The following NLGN1 variants were observed in gnomAD, a reference collection of about 807,000 sequenced individuals.
The protein encoded by NLGN1 is neuroligin-1.
In NLGN1, 12 loss-of-function variants were observed where a neutral mutation model predicts 65.5. The observed-to-expected ratio is 0.18, with a 90% CI of 0.12 to 0.30. NLGN1 has a LOEUF of 0.30. NLGN1 is among the 10% of genes least tolerant of loss of function. The pLI is 1.00. For synonymous variants in NLGN1, 350 were observed against 359.5 expected (o/e 0.97, Z 0.30); for missense variants, 750 against 1,007.1 (o/e 0.74, Z 3.46).
At chr3:173,782,341 G>A (rs915838894) in intron 3 of NLGN1, among the ~76,000 whole-genome samples, 23 of 152,086 alleles carry the variant, frequency 1.5e-4, no homozygotes, top group Admixed American at 7.2e-4. Context: ...CATTAAAGGC[G>A]CGGGTAATGT....
chr3:173,547,102 G>A (rs574728951), intron 2 of NLGN1, among the ~76,000 whole-genome samples: 49 of 152,034 alleles, frequency 3.2e-4, no homozygotes, highest in Non-Finnish European at 6.0e-4. Context: ...AATTAAACTT[G>A]GGACTCGAAA....
intron 2 of NLGN1, among the ~76,000 whole-genome samples, chr3:173,547,104 G>A (rs1015806776): frequency 6.6e-6 from 1 of 152,072 alleles, no homozygotes; most frequent in African/African-American, 2.4e-5. Context: ...TTAAACTTGG[G>A]ACTCGAAAGA....
In NLGN1 at chr3:173,502,767, G is replaced by A. The variant is rs143752141; in HGVS notation, c.-321+67689G>A. Among the ~76,000 whole-genome samples the A allele has an allele frequency of 3.7e-3, 559 of 152,088 alleles. 2 individuals carry two copies. The highest frequency in any genetic ancestry group is 6.2e-3 in the Non-Finnish European group (422 of 67,970). On this transcript the variant is annotated intron_variant, in intron 2 of 6. Coordinates refer to ENST00000457714, the Ensembl canonical transcript of NLGN1. ...CACAAATCACTGAATTTTAATCGAC[G>A]TCCCCTCCCCTGGCAGTACTTTTAA...
intron 3 of NLGN1, among the ~76,000 whole-genome samples, chr3:173,649,388 ATG>A (rs1202242756): frequency 1.3e-5 from 2 of 152,246 alleles, no homozygotes; most frequent in South Asian, 4.1e-4. Context: ...TTACATGTCT[ATG>A]TAACTATTAC....
chr3:173,539,640 A>ATGTACATATG lies in NLGN1; in HGVS notation c.-320-64638_-320-64637insGTACATATGT, dbSNP rs757003935. On this transcript the variant is annotated intron_variant, in intron 2 of 6. Coordinates refer to ENST00000457714, the Ensembl canonical transcript of NLGN1. ...ATTATATATTTATATATACACATAT[A>ATGTACATATG]TACATATATAACATATGTGTATATA... 3.2e-4 allele frequency among the ~76,000 whole-genome samples: 36 copies of ATGTACATATG among 111,770 alleles called. No homozygotes were observed. In the East Asian group the frequency reaches 7.4e-3, roughly 23 times the overall value. 73.3% of individuals were successfully genotyped at this position (111,770 alleles called of 152,430 possible).
At chr3:173,847,696 A>G (rs1409706625) in intron 4 of NLGN1, among the ~76,000 whole-genome samples, 1 of 152,088 alleles carries the variant, frequency 6.6e-6, no homozygotes, top group East Asian at 1.9e-4. Flanking sequence ...ACATGGCAAA[A>G]CCCTGTCTCT....
chr3:174,256,553 TTG>T (rs1212023229), intron 4 of NLGN1, among the ~76,000 whole-genome samples: 1 of 151,774 alleles, frequency 6.6e-6, no homozygotes, highest in Non-Finnish European at 1.5e-5. Flanking sequence ...GCATGTGTGT[TTG>T]TGTGTGTGTG....
chr3:174,199,939 A>G (rs1309592341), intron 4 of NLGN1, among the ~76,000 whole-genome samples: 2 of 152,362 alleles, frequency 1.3e-5, no homozygotes, highest in Admixed American at 1.3e-4. Flanking sequence ...CCACAGTTAT[A>G]GCCAAGTTTG....
chr3:174,270,707 G>T (rs1449092682), intron 4 of NLGN1, among the ~76,000 whole-genome samples: 1 of 151,688 alleles, frequency 6.6e-6, no homozygotes, highest in East Asian at 1.9e-4. Flanking sequence ...GGAGGACCTG[G>T]AATAAGTCCG....
intron 3 of NLGN1, among the ~76,000 whole-genome samples, chr3:173,753,592 C>G (rs998063197): frequency 1.3e-5 from 2 of 152,104 alleles, no homozygotes; most frequent in Admixed American, 6.6e-5. Flanking sequence ...AAACTTTTTT[C>G]TCTTTCTATT....
At chr3:174,190,742 A>G (rs565103672) in intron 4 of NLGN1, among the ~76,000 whole-genome samples, 2 of 152,238 alleles carry the variant, frequency 1.3e-5, no homozygotes, top group African/African-American at 4.8e-5. Flanking sequence ...TATTAGCTGT[A>G]TATAACTTAA....
At chr3:173,866,175 A>T (rs1730122708) in intron 4 of NLGN1, among the ~76,000 whole-genome samples, 1 of 152,208 alleles carries the variant, frequency 6.6e-6, no homozygotes, top group African/African-American at 2.4e-5. Context: ...GCAAGCAGGT[A>T]ATTAAGGTAG....
intron 3 of NLGN1, among the ~76,000 whole-genome samples, chr3:173,631,074 G>A (rs1358019259): frequency 6.6e-6 from 1 of 152,090 alleles, no homozygotes; most frequent in Non-Finnish European, 1.5e-5. Context: ...CTTCTGATTG[G>A]TAACTGTGTG....
rs369776108 is a variant in NLGN1, at chr3:173,932,679, GTTCT to G, written c.646+124854_646+124857del. 3.9e-4 allele frequency among the ~76,000 whole-genome samples: 59 copies of G among 152,248 alleles called. 1 individual carries two copies. Among genetic ancestry groups the G allele is most frequent in the African/African-American group, 1.3e-3 (56 of 41,554 alleles). On this transcript the variant is annotated intron_variant, in intron 4 of 6. Transcript: ENST00000457714. The stretch of plus-strand genomic sequence containing the variant: ...AGATTCTTTGTGGAATGACTAAAAT[GTTCT>G]TTCTTTGCTAATCTTGATGAGAGTG...
rs149148600 is a variant in NLGN1, at chr3:173,423,587, G to T, written c.-389-11423G>T. Reference sequence around the variant, plus strand: ...CCCTTGAAAGTCCAAAATCCAGCAGGGTAACCATTAAATCTTGAAGCTCCA... The same window carrying T: ...CCCTTGAAAGTCCAAAATCCAGCAGTGTAACCATTAAATCTTGAAGCTCCA... On this transcript the variant is annotated intron_variant, in intron 1 of 6. Transcript: ENST00000457714. Among the ~76,000 whole-genome samples, 861 of 152,218 alleles carry T rather than the reference G, an allele frequency of 5.7e-3. 12 individuals carry two copies. The highest frequency in any genetic ancestry group is 0.02 in the African/African-American group (819 of 41,552).
At chr3:173,678,367 G>C (rs1360016046) in intron 3 of NLGN1, among the ~76,000 whole-genome samples, 1 of 152,040 alleles carries the variant, frequency 6.6e-6, no homozygotes, top group African/African-American at 2.4e-5. Flanking sequence ...CCGCAGTAGA[G>C]GGAAGAGAAA....
At chr3:173,469,781 C>T (rs564181813) in intron 2 of NLGN1, among the ~76,000 whole-genome samples, 2 of 151,920 alleles carry the variant, frequency 1.3e-5, no homozygotes, top group Non-Finnish European at 2.9e-5. Context: ...CCCTGGTAGC[C>T]GCCAATCTAC....
In NLGN1 at chr3:174,227,370, A is replaced by G. The variant is rs1245922177; in HGVS notation, c.647-47945A>G. 5.9e-5 allele frequency among the ~76,000 whole-genome samples: 9 copies of G among 152,154 alleles called. No individual in the cohort carries two copies. The South Asian group carries it at 6.2e-4, about 10-fold the overall frequency. ...AAAATTTTACTGCCTTTTCCATTTC[A>G]CACATGAGGGATCTGAGACTCAGAA... On this transcript the variant is annotated intron_variant, in intron 4 of 6. Coordinates refer to ENST00000457714, the Ensembl canonical transcript of NLGN1.
chr3:173,941,013 G>GT (rs1745991983), intron 4 of NLGN1, among the ~76,000 whole-genome samples: 1 of 152,102 alleles, frequency 6.6e-6, no homozygotes, highest in African/African-American at 2.4e-5. Flanking sequence ...GTTACGCTTG[G>GT]TACAGTTTTA....
Sources: gnomAD v4.1 joint callset for allele counts (sites outside exome capture counted in the v4.1 genomes callset) on GRCh38, gnomAD v4.1.1 for gene constraint, MANE v1.5 for transcripts, NCBI Gene and HGNC (gene_info 2026-07-23, HGNC 2026-07-21) for gene names.